RBFOX3: variants seen among roughly 807,000 people sequenced by gnomAD.
RBFOX3 encodes the protein RNA binding protein fox-1 homolog 3.
RBFOX3 carries 17 observed loss-of-function variants against 48.7 expected under a neutral mutation model. That is an observed-to-expected ratio of 0.35 (90% CI 0.24 to 0.52). The LOEUF (loss-of-function observed/expected upper bound fraction) is 0.52. Ranked by LOEUF, RBFOX3 falls within the 20% of genes least tolerant of loss-of-function variation. RBFOX3 has a pLI of 0.94. For synonymous variants in RBFOX3, 212 were observed against 209.5 expected, an observed-to-expected ratio of 1.01 and a Z score of -0.10; for missense variants, 382 against 497.5, an observed-to-expected ratio of 0.77 and a Z score of 2.21.
intron 2 of RBFOX3, among the ~76,000 whole-genome samples, chr17:79,448,064 A>G (rs574210930): frequency 1.3e-5 from 2 of 152,258 alleles, no homozygotes; most frequent in Admixed American, 1.3e-4. Context: ...AAGTTTCCTG[A>G]GGCCTCCCAG....
chr17:79,347,457 C>G (rs1204270972), intron 2 of RBFOX3, among the ~76,000 whole-genome samples: 1 of 152,046 alleles, frequency 6.6e-6, no homozygotes, highest in Non-Finnish European at 1.5e-5. Flanking sequence ...ATTTTTCTCT[C>G]TTTGTAGGAC....
At chr17:79,614,273 G>A (rs1336392984), upstream of RBFOX3, among the ~76,000 whole-genome samples, 1 of 152,350 alleles carries the variant, frequency 6.6e-6, no homozygotes. Flanking sequence ...CAGACACTGC[G>A]GACAGAGGGG....
chr17:79,198,216 C>G lies in RBFOX3; in HGVS notation c.-34+37550G>C, dbSNP rs1335438511. Among the ~76,000 whole-genome samples, 1 of 152,158 alleles carries G rather than the reference C, an allele frequency of 6.6e-6. No homozygotes were observed. On this transcript the variant is annotated intron_variant, in intron 4 of 14. Transcript: ENST00000693108. This position sits in a 1 kb window ranked among gnomAD's most constrained non-coding sequence, Gnocchi z 8.2. ...GACCATCCTCAACACTGGACCAGAC[C>G]AGAAGGGGAAATCATGGGTGACAAC...
At chr17:79,548,123 C>T (rs1289238166) in intron 1 of RBFOX3, among the ~76,000 whole-genome samples, 1 of 152,240 alleles carries the variant, frequency 6.6e-6, no homozygotes, top group African/African-American at 2.4e-5. Context: ...ACCTGGGAAC[C>T]TCGCCCAGTG....
At chr17:79,210,151 G>T (rs1388587756) in intron 4 of RBFOX3, among the ~76,000 whole-genome samples, 2 of 152,226 alleles carry the variant, frequency 1.3e-5, no homozygotes, top group African/African-American at 2.4e-5. Context: ...TACCTGCCTG[G>T]GGGGAGGGAT....
chr17:79,273,361 G>A (rs765029613), intron 3 of RBFOX3, among the ~76,000 whole-genome samples: 5 of 152,208 alleles, frequency 3.3e-5, no homozygotes, highest in Non-Finnish European at 7.3e-5. Flanking sequence ...GAAACCTGGT[G>A]TCACAGGAAT....
rs372384001 is a variant in RBFOX3 at position 79,119,474 on chromosome 17, C to T, written c.-33-3726G>A. The stretch of plus-strand genomic sequence containing the variant: ...ACTGGCAGCCAGGATCCCAAACCCA[C>T]CATATGCACCTCCACATGGAATTGT... On this transcript the variant is annotated intron_variant, in intron 4 of 14. Transcript: ENST00000693108. Among the ~76,000 whole-genome samples, 168 of 152,264 alleles carry T rather than the reference C, an allele frequency of 1.1e-3. 4 individuals are homozygous for T. In the South Asian group the frequency reaches 0.031, roughly 28 times the overall value.
At chr17:79,554,188 A>G (rs1246968031) in intron 1 of RBFOX3, among the ~76,000 whole-genome samples, 1 of 152,114 alleles carries the variant, frequency 6.6e-6, no homozygotes, top group Non-Finnish European at 1.5e-5. Flanking sequence ...TCTTCAGTGC[A>G]TTATTTTTTG....
At chr17:79,112,689 G>T (rs2032239295) in intron 5 of RBFOX3, among the ~76,000 whole-genome samples, 2 of 152,100 alleles carry the variant, frequency 1.3e-5, no homozygotes, top group Non-Finnish European at 2.9e-5. Context: ...TACCAGTGGG[G>T]TGGGTGATGT....
intron 2 of RBFOX3, among the ~76,000 whole-genome samples, chr17:79,389,422 C>T (rs1048310127): frequency 2.0e-5 from 3 of 152,206 alleles, no homozygotes; most frequent in Non-Finnish European, 2.9e-5. Context: ...GCAGCTGGTT[C>T]GTACTTTTCA....
At chr17:79,329,159 C>T (rs983564909) in intron 2 of RBFOX3, among the ~76,000 whole-genome samples, 3 of 152,166 alleles carry the variant, frequency 2.0e-5, no homozygotes, top group Admixed American at 1.3e-4. Context: ...TTCACATCTG[C>T]TCTGAGCTTC....
chr17:79,138,801 C>T (rs1245674579), intron 4 of RBFOX3, among the ~76,000 whole-genome samples: 6 of 89,410 alleles, frequency 6.7e-5, no homozygotes, highest in African/African-American at 2.8e-4. Flanking sequence ...GCCCCCTTAC[C>T]CACACACATG....
rs536912910 is a variant in RBFOX3, at chr17:79,546,664, A to G, written c.-319-64066T>C. 8.4e-3 allele frequency among the ~76,000 whole-genome samples: 1,074 copies of G among 128,412 alleles called. 9 individuals are homozygous for G. Among genetic ancestry groups the G allele is most frequent in the African/African-American group, 0.033 (1,014 of 30,550 alleles). The allele number at this position is 128,412 out of a possible 152,430, so 84.2% of individuals were successfully genotyped here. On this transcript the variant is annotated intron_variant, in intron 1 of 14. Transcript: ENST00000693108. ...CGGCATTCCCAGCAGTACCTTCCTCATTCTATTTTTTTTTTTTTTTTTTGA... is the reference window on the plus strand; with the variant it reads ...CGGCATTCCCAGCAGTACCTTCCTCGTTCTATTTTTTTTTTTTTTTTTTGA...
intron 4 of RBFOX3, among the ~76,000 whole-genome samples, chr17:79,172,193 A>AG (rs1199350039): frequency 6.6e-6 from 1 of 151,410 alleles, no homozygotes; most frequent in Non-Finnish European, 1.5e-5. Context: ...AAAAAAAAAA[A>AG]AGAGAAAAAG....
At chr17:79,217,652 G>A (rs1238765110) in intron 4 of RBFOX3, among the ~76,000 whole-genome samples, 1 of 152,102 alleles carries the variant, frequency 6.6e-6, no homozygotes. Context: ...GGGTGCTCAG[G>A]GAGGGCTTCC....
At chr17:79,434,092 A>G (rs2068955797) in intron 2 of RBFOX3, among the ~76,000 whole-genome samples, 1 of 152,086 alleles carries the variant, frequency 6.6e-6, no homozygotes, top group Non-Finnish European at 1.5e-5. Context: ...TGAACCCCCC[A>G]ACGGAAAGCA....
At chr17:79,147,092 C>A (rs1052680006) in intron 4 of RBFOX3, among the ~76,000 whole-genome samples, 1 of 152,230 alleles carries the variant, frequency 6.6e-6, no homozygotes, top group African/African-American at 2.4e-5. Context: ...AGGTTCCCAG[C>A]CTGCTGTGCT....
At chr17:79,556,409 C>T (rs930810504) in intron 1 of RBFOX3, among the ~76,000 whole-genome samples, 1 of 152,180 alleles carries the variant, frequency 6.6e-6, no homozygotes, top group East Asian at 1.9e-4. Flanking sequence ...TTTGAAGGGC[C>T]GAGGAGGGGA....
chr17:79,576,418 T>C (rs2092859408), intron 1 of RBFOX3, among the ~76,000 whole-genome samples: 1 of 151,010 alleles, frequency 6.6e-6, no homozygotes, highest in African/African-American at 2.4e-5. Context: ...ATGGAGAAGA[T>C]GGAGATGATG....
Sources: allele counts gnomAD v4.1 joint callset (sites outside exome capture counted in the v4.1 genomes callset), GRCh38; gene constraint gnomAD v4.1.1; non-coding constraint Gnocchi (gnomAD v3.1); transcripts MANE v1.5; gene names NCBI Gene and HGNC (gene_info 2026-07-23, HGNC 2026-07-21).